The following MESD variants were observed in gnomAD, a reference collection of about 807,000 sequenced individuals.
MESD encodes the protein LRP chaperone MESD.
MESD carries 7 observed loss-of-function variants against 12.9 expected under a neutral mutation model. The observed-to-expected ratio is 0.54, with a 90% confidence interval of 0.31 to 1.02. The LOEUF is 1.02. Among genes scored for constraint, MESD ranks in the 50% least tolerant of loss-of-function variants. The pLI is 0.05. For missense variants in MESD, 342 were observed against 296.7 expected, an observed-to-expected ratio of 1.15 and a Z score of -1.12; for synonymous variants, 126 against 115.6, an observed-to-expected ratio of 1.09 and a Z score of -0.58.
At chr15:80,981,629 G>A (rs1482623981) in intron 2 of MESD, among the ~76,000 whole-genome samples, 1 of 152,030 alleles carries the variant, frequency 6.6e-6, no homozygotes, top group East Asian at 1.9e-4. Context: ...GCTGAGGCGG[G>A]TGCATCACCT....
At chr15:80,946,683 GGA>G (rs201476182), downstream of MESD, 911 of 452,520 alleles carry the variant, frequency 2.0e-3, 15 homozygotes, top group South Asian at 0.012. Flanking sequence ...TCCTCTGTTT[GGA>G]GAGAGACATG....
At chr15:80,965,778 G>T (rs2141794751) in intron 3 of MESD, among the ~76,000 whole-genome samples, 1 of 152,260 alleles carries the variant, frequency 6.6e-6, no homozygotes, top group South Asian at 2.1e-4. Flanking sequence ...ACAGGGAGGG[G>T]AGCATCACAC....
At chr15:80,980,072 T>C (rs1567125570) in intron 2 of MESD, among the ~76,000 whole-genome samples, 1 of 152,218 alleles carries the variant, frequency 6.6e-6, no homozygotes, top group African/African-American at 2.4e-5. Context: ...GGTGGAGCCC[T>C]AGTGTGGCCA....
downstream of MESD, among the ~76,000 whole-genome samples, chr15:80,971,058 A>G (rs919637811): frequency 1.3e-5 from 2 of 152,186 alleles, no homozygotes; most frequent in Non-Finnish European, 2.9e-5. Context: ...GCCCCACAAG[A>G]GCAGACACTG....
downstream of MESD, among the ~76,000 whole-genome samples, chr15:80,971,815 C>G (rs1292800752): frequency 6.6e-6 from 1 of 151,732 alleles, no homozygotes; most frequent in African/African-American, 2.4e-5. Flanking sequence ...ACAAGTAGGA[C>G]CACGCCTGTA....
chr15:80,957,281 C>A (rs1902005379), intron 3 of MESD, among the ~76,000 whole-genome samples: 1 of 151,344 alleles, frequency 6.6e-6, no homozygotes, highest in Non-Finnish European at 1.5e-5. Flanking sequence ...GAAAAAAAAA[C>A]AAAATACAGT....
chr15:80,974,450 C>T (rs1902360166), downstream of MESD, among the ~76,000 whole-genome samples: 1 of 152,130 alleles, frequency 6.6e-6, no homozygotes, highest in South Asian at 2.1e-4. Context: ...GATAAATATT[C>T]AATCCTGGGG....
At chr15:80,975,565 G>A (rs1902388397), downstream of MESD, among the ~76,000 whole-genome samples, 1 of 151,728 alleles carries the variant, frequency 6.6e-6, no homozygotes, top group Non-Finnish European at 1.5e-5. Flanking sequence ...ACAGGAAAAA[G>A]TTTGTGAGTT....
downstream of MESD, among the ~76,000 whole-genome samples, chr15:80,974,806 T>C (rs905530191): frequency 7.3e-5 from 11 of 149,706 alleles, no homozygotes; most frequent in Non-Finnish European, 1.5e-4. Context: ...ATGTTAAGTA[T>C]GAGTTGCATA....
At chr15:80,989,335 T>C (rs16972625) in intron 1 of MESD, among the ~76,000 whole-genome samples, 25,915 of 151,656 alleles carry the variant, frequency 0.17, 2,346 homozygotes, top group African/African-American at 0.25. Flanking sequence ...ATTGAAGTGG[T>C]TTGAGAAATG....
chr15:80,953,845 G>C (rs1016715813), intron 3 of MESD, among the ~76,000 whole-genome samples: 1 of 152,138 alleles, frequency 6.6e-6, no homozygotes, highest in African/African-American at 2.4e-5. Flanking sequence ...TAAAGAAAAC[G>C]CAACGGCACA....
At chr15:80,951,379 C>A (rs1286637992) in intron 4 of MESD, 1 of 152,590 alleles carries the variant, frequency 6.6e-6, no homozygotes, top group African/African-American at 2.4e-5. Context: ...CTTGGTAGCA[C>A]AAATTTTCTT....
chr15:80,969,090 T>C (rs959836320), intron 3 of MESD, among the ~76,000 whole-genome samples: 2 of 152,022 alleles, frequency 1.3e-5, no homozygotes, highest in Admixed American at 6.5e-5. Context: ...ACCCAGGAGA[T>C]TGAGGTGGGA....
In MESD at chr15:80,977,329, T is replaced by TGAC. The variant is rs1902443387; in HGVS notation, c.*1889_*1890insGTC. 1 of 152,282 alleles carries TGAC rather than the reference T, an allele frequency of 6.6e-6. No homozygotes were observed. The highest frequency in any genetic ancestry group is 2.4e-5 in the African/African-American group (1 of 41,448). 9.4% of individuals were successfully genotyped at this position (152,282 alleles called of 1,614,324 possible). ...ACTTTGTACATTACTGACATTTGTCTTCCCCCACCGAATCATTGAGTTTTA... is the reference window on the plus strand; with the variant it reads ...ACTTTGTACATTACTGACATTTGTCTGACTCCCCCACCGAATCATTGAGTTTTA... On this transcript the variant is annotated 3_prime_UTR_variant, in exon 3 of 3. Coordinates refer to ENST00000261758, the MANE Select transcript of MESD (RefSeq NM_015154.3).
At chr15:80,982,341 G>C (rs1473927011) in intron 1 of MESD, among the ~76,000 whole-genome samples, 159 bp from the exon 2 acceptor site, 1 of 152,132 alleles carries the variant, frequency 6.6e-6, no homozygotes, top group South Asian at 2.1e-4. Flanking sequence ...TAACTTTCAA[G>C]ATAGTCTAAG....
At chr15:80,956,378 C>T (rs1476873082) in intron 3 of MESD, among the ~76,000 whole-genome samples, 1 of 152,088 alleles carries the variant, frequency 6.6e-6, no homozygotes, top group Non-Finnish European at 1.5e-5. Flanking sequence ...TCCCCGGTCT[C>T]CACACACTAA....
intron 1 of MESD, among the ~76,000 whole-genome samples, chr15:80,988,300 T>C (rs1902789125): frequency 6.6e-6 from 1 of 152,174 alleles, no homozygotes; most frequent in Non-Finnish European, 1.5e-5. Flanking sequence ...AGATAATGTG[T>C]TTTTCTTGGC....
intron 3 of MESD, among the ~76,000 whole-genome samples, chr15:80,963,194 T>C (rs1014260834): frequency 2.6e-5 from 4 of 152,202 alleles, no homozygotes; most frequent in African/African-American, 9.6e-5. Flanking sequence ...GAGAATACTA[T>C]GAACAGCTCT....
chr15:80,971,738 CG>C (rs139766181), downstream of MESD, among the ~76,000 whole-genome samples: 476 of 152,144 alleles, frequency 3.1e-3, 11 homozygotes, highest in East Asian at 0.064. Context: ...GAGATCCTCC[CG>C]CCTCAACCTC....
Sources: gnomAD v4.1 joint callset for allele counts (sites outside exome capture counted in the v4.1 genomes callset) on GRCh38, gnomAD v4.1.1 for gene constraint, MANE v1.5 for transcripts, NCBI Gene and HGNC (gene_info 2026-07-23, HGNC 2026-07-21) for gene names.